Variants in DNAJC18 observed in about 807,000 individuals in gnomAD.
The protein encoded by DNAJC18 is DnaJ heat shock protein family (Hsp40) member C18.
DNAJC18 carries 40 observed loss-of-function variants against 48.6 expected under a neutral mutation model. That is an observed-to-expected ratio of 0.82 (90% CI 0.64 to 1.07). The LOEUF (loss-of-function observed/expected upper bound fraction) is 1.07, where lower values mean the gene tolerates loss of function less well. Among genes scored for constraint, DNAJC18 ranks in the 50% least tolerant of loss-of-function variants. The pLI is 0.00. For synonymous variants in DNAJC18, 135 were observed against 152.2 expected, an observed-to-expected ratio of 0.89 and a Z score of 0.83; for missense variants, 340 against 427.7, an observed-to-expected ratio of 0.79 and a Z score of 1.81.
chr5:139,412,793 G>A lies in DNAJC18; in HGVS notation c.*1355C>T, dbSNP rs557178996. 113 of 398,656 alleles carry A rather than the reference G, an allele frequency of 2.8e-4. No homozygotes were observed. The highest frequency in any genetic ancestry group is 1.1e-3 in the South Asian group (9 of 7,858). 24.7% of individuals were successfully genotyped at this position (398,656 alleles called of 1,614,324 possible). A position where few individuals can be genotyped will look rare whatever the true frequency, so the allele number is the denominator to read the frequency against. ...GTGTACAGAATTTATGTTAGACAGG[G>A]TCCTGCTTCCTAAAGAGCAGCAGGG... On this transcript the variant is annotated 3_prime_UTR_variant, in exon 8 of 8. Coordinates refer to ENST00000302060, the MANE Select transcript of DNAJC18 (RefSeq NM_152686.4).
chr5:139,419,364 C>T (rs1318889276), intron 7 of DNAJC18, among the ~76,000 whole-genome samples: 1 of 152,234 alleles, frequency 6.6e-6, no homozygotes, highest in African/African-American at 2.4e-5. Flanking sequence ...TGCTATCATC[C>T]CCACTGTCTC....
At chr5:139,421,062 C>T (rs1759144248) in intron 6 of DNAJC18, among the ~76,000 whole-genome samples, 1 of 152,128 alleles carries the variant, frequency 6.6e-6, no homozygotes, top group African/African-American at 2.4e-5. Context: ...CCGTGCTTAC[C>T]CCGCTGGCCT....
At chr5:139,432,589 C>A (rs1475100887) in intron 2 of DNAJC18, among the ~76,000 whole-genome samples, 3 of 152,226 alleles carry the variant, frequency 2.0e-5, no homozygotes, top group Non-Finnish European at 4.4e-5. Context: ...GCCTCAGCCT[C>A]CCAAGTAGCT....
At position 139,422,698 on chromosome 5, in the gene DNAJC18, C is replaced by A; in HGVS notation, c.779+10G>T. 6.3e-7 allele frequency: 1 copy of A among 1,576,484 alleles called. No individual in the cohort carries two copies. Among genetic ancestry groups the A allele is most frequent in the African/African-American group, 1.4e-5 (1 of 73,368 alleles). On this transcript the variant is annotated intron_variant, in intron 6 of 7. Transcript: ENST00000302060. ...TGTTACTGAGAAAGATTTAGAAATA[C>A]CAGACTTACGATTTATAGAACAGAC...
intron 2 of DNAJC18, among the ~76,000 whole-genome samples, chr5:139,435,714 T>TTTTTTTG (rs1581423762): frequency 8.9e-6 from 1 of 112,796 alleles, no homozygotes; most frequent in East Asian, 2.9e-4. Context: ...AGTTTTTTTT[T>TTTTTTTG]TTTTTTTTTT....
At chr5:139,438,342 AT>A (rs35302787) in intron 1 of DNAJC18, among the ~76,000 whole-genome samples, 76,542 of 149,794 alleles carry the variant, frequency 0.51, 23,354 homozygotes, top group Non-Finnish European at 0.69. Flanking sequence ...ACATTATGAG[AT>A]TTTTTTTTGC....
Position 139,414,367 on chromosome 5 carries a change from A to G in DNAJC18, c.953-95T>C. 5 of 1,477,858 alleles carry G rather than the reference A, an allele frequency of 3.4e-6. No homozygotes were observed. The South Asian group carries it at 6.9e-5, about 20-fold the overall frequency. 91.5% of individuals were successfully genotyped at this position (1,477,858 alleles called of 1,614,324 possible). On this transcript the variant is annotated intron_variant, in intron 7 of 7. Transcript: ENST00000302060. ...GTCAAAGCTCCTTTTACTTCATTTC[A>G]AGCTTTTTCTTACAATTAAATATAA...
chr5:139,436,502 G>A (rs868762412), intron 2 of DNAJC18, among the ~76,000 whole-genome samples: 31 of 150,018 alleles, frequency 2.1e-4, no homozygotes, highest in African/African-American at 2.9e-4. Flanking sequence ...GATTGGTAGG[G>A]ATATCCCTCT....
intron 3 of DNAJC18, 94 bp downstream of exon 3, chr5:139,428,444 A>G: frequency 6.7e-7 from 1 of 1,500,870 alleles, no homozygotes. Flanking sequence ...AACCCTCCTT[A>G]TGGCCTTATA....
chr5:139,437,335 CCATAAAATCACT>C, intron 2 of DNAJC18, 25 bp downstream of exon 2: 1 of 1,558,892 alleles, frequency 6.4e-7, no homozygotes, highest in Non-Finnish European at 8.7e-7. Flanking sequence ...TAAGCACTTT[CCATAAAATCACT>C]CATTTAATCT....
chr5:139,438,616 C>T (rs1750727234), intron 1 of DNAJC18, among the ~76,000 whole-genome samples: 1 of 152,202 alleles, frequency 6.6e-6, no homozygotes, highest in African/African-American at 2.4e-5. Context: ...CTTTCTTCCG[C>T]TTAACATCCC....
rs568583209 is a variant in DNAJC18 at position 139,412,419 on chromosome 5, C to G, written c.*1729G>C. The G allele has an allele frequency of 1.9e-4, 49 of 255,536 alleles. No homozygotes were observed. The highest frequency in any genetic ancestry group is 1.0e-3 in the African/African-American group (46 of 45,064). The allele number at this position is 255,536 out of a possible 1,614,324, so 15.8% of individuals were successfully genotyped here. On this transcript the variant is annotated 3_prime_UTR_variant, in exon 8 of 8. Transcript: ENST00000302060. ...GGGACTACAGGCATGTGCCACCACACCTGGCTAATTTTTGTATTATTAGTA... is the reference window on the plus strand; with the variant it reads ...GGGACTACAGGCATGTGCCACCACAGCTGGCTAATTTTTGTATTATTAGTA...
chr5:139,424,957 C>A (rs764464202), intron 5 of DNAJC18, 48 bp downstream of exon 5: 1 of 1,523,396 alleles, frequency 6.6e-7, no homozygotes, highest in Non-Finnish European at 9.1e-7. Context: ...TCAAGGTTGG[C>A]CAAGTACAAC....
intron 6 of DNAJC18, among the ~76,000 whole-genome samples, chr5:139,420,730 C>T (rs1759139410): frequency 6.6e-6 from 1 of 151,706 alleles, no homozygotes; most frequent in Admixed American, 6.6e-5. Context: ...GAAACTCAGA[C>T]AAAAGATTTC....
At chr5:139,425,843 G>A (rs1759232113) in intron 4 of DNAJC18, among the ~76,000 whole-genome samples, 2 of 152,148 alleles carry the variant, frequency 1.3e-5, no homozygotes, top group Admixed American at 1.3e-4. Flanking sequence ...ATCTTTGTAA[G>A]TGCTATTTTA....
chr5:139,424,744 A>AAAAAAT (rs1759208954), intron 5 of DNAJC18, among the ~76,000 whole-genome samples: 2 of 150,050 alleles, frequency 1.3e-5, no homozygotes, highest in Non-Finnish European at 3.0e-5. Context: ...AAAAAAAAAA[A>AAAAAAT]AAAAAAGCCT....
Position 139,437,574 on chromosome 5 carries a change from C to A in DNAJC18, c.41-16G>T. On this transcript the variant is annotated splice_polypyrimidine_tract_variant and intron_variant, in intron 1 of 7. Transcript: ENST00000302060. ...TCAATGTAAGCTGCAAACAACAGCC[C>A]CTCCATTAGGTCTCCATCTGACCCT... The A allele has an allele frequency of 6.2e-7, 1 of 1,605,606 alleles. No individual in the cohort carries two copies. The highest frequency in any genetic ancestry group is 8.5e-7 in the Non-Finnish European group (1 of 1,176,600).
intron 3 of DNAJC18, 59 bp from the exon 4 acceptor site, chr5:139,426,416 CA>C: frequency 6.3e-7 from 1 of 1,586,706 alleles, no homozygotes; most frequent in South Asian, 1.2e-5. Flanking sequence ...TGAGAGTGAT[CA>C]CAGCAGCAGT....
At position 139,437,354 on chromosome 5, in the gene DNAJC18, A is replaced by T. The variant is rs201441862; in HGVS notation, c.227+18T>A. On this transcript the variant is annotated intron_variant, in intron 2 of 7. Transcript: ENST00000302060. ...CACTTTCCATAAAATCACTCATTTA[A>T]TCTCACCACATGCTCACCTTTGTAC... 6.3e-7 allele frequency: 1 copy of T among 1,584,500 alleles called. No individual in the cohort carries two copies. The highest frequency in any genetic ancestry group is 8.6e-7 in the Non-Finnish European group (1 of 1,166,774).
Sources: gnomAD v4.1 joint callset for allele counts (sites outside exome capture counted in the v4.1 genomes callset) on GRCh38, gnomAD v4.1.1 for gene constraint, MANE v1.5 for transcripts, NCBI Gene and HGNC (gene_info 2026-07-23, HGNC 2026-07-21) for gene names.